Variants in PEX5L observed in about 807,000 individuals in gnomAD.
PEX5L encodes PEX5-related protein.
In PEX5L, 30 loss-of-function variants were observed where a neutral mutation model predicts 84.0. The ratio of observed to expected loss-of-function variants is 0.36; its 90% CI spans 0.27 to 0.48. The LOEUF (loss-of-function observed/expected upper bound fraction) is 0.48, where lower values mean the gene tolerates loss of function less well. Among genes scored for constraint, PEX5L ranks in the 20% least tolerant of loss-of-function variants. The pLI is 0.99. For missense variants in PEX5L, 533 were observed against 754.6 expected (o/e 0.71, Z 3.44); for synonymous variants, 270 against 283.1 (o/e 0.95, Z 0.46).
chr3:179,909,967 A>G (rs1336316934), intron 2 of PEX5L, among the ~76,000 whole-genome samples: 1 of 152,238 alleles, frequency 6.6e-6, no homozygotes, highest in African/African-American at 2.4e-5. Flanking sequence ...AATCTGTGGT[A>G]CTTTGTCATG....
chr3:179,909,610 G>C (rs1764474119), intron 2 of PEX5L, among the ~76,000 whole-genome samples: 1 of 152,176 alleles, frequency 6.6e-6, no homozygotes, highest in Non-Finnish European at 1.5e-5. Context: ...CAGGAGCTGA[G>C]TTGTGTACTC....
At chr3:179,818,278 T>C (rs1410874189) in intron 9 of PEX5L, among the ~76,000 whole-genome samples, 1 of 152,010 alleles carries the variant, frequency 6.6e-6, no homozygotes, top group African/African-American at 2.4e-5. Context: ...ATTAATTAAT[T>C]AATTTTTAAT....
intron 1 of PEX5L, among the ~76,000 whole-genome samples, chr3:180,022,672 A>G (rs1306670459): frequency 1.3e-5 from 2 of 152,212 alleles, no homozygotes; most frequent in African/African-American, 4.8e-5. Context: ...TACAATCAAG[A>G]TAATATTGAG....
At position 179,801,766 on chromosome 3, in the gene PEX5L, T is replaced by G. The variant is rs1718917532; in HGVS notation, c.*62A>C. 7.5e-6 allele frequency: 8 copies of G among 1,062,602 alleles called. No individual in the cohort carries two copies. Among genetic ancestry groups the G allele is most frequent in the Non-Finnish European group, 1.2e-5 (8 of 682,420 alleles). 65.8% of individuals were successfully genotyped at this position (1,062,602 alleles called of 1,614,324 possible). On this transcript the variant is annotated 3_prime_UTR_variant, in exon 15 of 15. Transcript: ENST00000467460. ...CCTTTTGAAATTCATAATAAAATAG[T>G]TTTTGATTTTTCAGTACAATCACAC...
chr3:179,976,626 CG>C (rs1404734315), intron 1 of PEX5L, among the ~76,000 whole-genome samples: 2 of 151,948 alleles, frequency 1.3e-5, no homozygotes, highest in African/African-American at 2.4e-5. Context: ...TTAGTAGAGA[CG>C]GGGTTTTGCC....
chr3:179,803,706 G>A (rs1720030891), intron 14 of PEX5L, among the ~76,000 whole-genome samples: 1 of 152,210 alleles, frequency 6.6e-6, no homozygotes, highest in Non-Finnish European at 1.5e-5. Flanking sequence ...TGCAAGGTAG[G>A]TAATAAGCAT....
Position 179,974,903 on chromosome 3 carries a change from T to C in PEX5L, c.22-3238A>G, listed in dbSNP as rs1043619762. Reference sequence around the variant, plus strand: ...ACTTGCATTAAACTTGGAAAATCTATAGAAAAATATAGGCCAGGTATGGTA... The same window carrying C: ...ACTTGCATTAAACTTGGAAAATCTACAGAAAAATATAGGCCAGGTATGGTA... On this transcript the variant is annotated intron_variant, in intron 1 of 14. Transcript: ENST00000467460. 2.6e-5 allele frequency among the ~76,000 whole-genome samples: 4 copies of C among 152,046 alleles called. No homozygotes were observed. In the East Asian group the frequency reaches 5.8e-4, roughly 22 times the overall value.
intron 1 of PEX5L, among the ~76,000 whole-genome samples, chr3:180,026,217 C>T (rs554176403): frequency 6.9e-6 from 1 of 145,070 alleles, no homozygotes; most frequent in Non-Finnish European, 1.5e-5. Flanking sequence ...CCCTCAGTTT[C>T]CTCACATGTG....
intron 2 of PEX5L, among the ~76,000 whole-genome samples, chr3:179,942,608 T>C (rs966812652): frequency 3.3e-5 from 5 of 152,210 alleles, no homozygotes; most frequent in African/African-American, 1.2e-4. Flanking sequence ...CCCAGGCGCA[T>C]GAGACGGATG....
intron 1 of PEX5L, among the ~76,000 whole-genome samples, chr3:180,002,300 G>A: frequency 6.6e-6 from 1 of 152,072 alleles, no homozygotes; most frequent in East Asian, 1.9e-4. Flanking sequence ...TTTAAAAATT[G>A]TTTTACGATG....
At chr3:179,831,666 A>G (rs1455803732) in intron 8 of PEX5L, among the ~76,000 whole-genome samples, 1 of 149,834 alleles carries the variant, frequency 6.7e-6, no homozygotes, top group African/African-American at 2.4e-5. Flanking sequence ...AGAGGAGAGA[A>G]CCCAACCTAG....
chr3:179,854,802 C>G (rs1340484258), intron 8 of PEX5L, among the ~76,000 whole-genome samples: 2 of 152,138 alleles, frequency 1.3e-5, no homozygotes, highest in Non-Finnish European at 2.9e-5. Flanking sequence ...AAATAAGAGA[C>G]TAGGCCCCTT....
At chr3:179,949,781 C>T (rs1778590214) in intron 2 of PEX5L, among the ~76,000 whole-genome samples, 1 of 152,134 alleles carries the variant, frequency 6.6e-6, no homozygotes, top group African/African-American at 2.4e-5. Context: ...GGACAGGTTA[C>T]CTAGAGGGAC....
chr3:179,841,324 A>G (rs1352767647), intron 8 of PEX5L, among the ~76,000 whole-genome samples: 1 of 151,868 alleles, frequency 6.6e-6, no homozygotes, highest in Non-Finnish European at 1.5e-5. Flanking sequence ...TTCTCTTTCC[A>G]TTCCACTTCC....
intron 7 of PEX5L, among the ~76,000 whole-genome samples, chr3:179,870,489 G>C (rs1413181276): frequency 1.3e-5 from 2 of 152,098 alleles, no homozygotes; most frequent in Non-Finnish European, 2.9e-5. Context: ...TCCTTGTTGG[G>C]TGACACTGTG....
chr3:179,814,228 A>G (rs1027560114), intron 10 of PEX5L, among the ~76,000 whole-genome samples: 3 of 152,238 alleles, frequency 2.0e-5, no homozygotes, highest in South Asian at 2.1e-4. Context: ...AGTAGTGATC[A>G]GTTTACTCAT....
chr3:179,802,106 A>T, intron 14 of PEX5L, 74 bp from the exon 15 acceptor site: 1 of 1,032,402 alleles, frequency 9.7e-7, no homozygotes, highest in East Asian at 2.4e-5. Flanking sequence ...AACAAAACAA[A>T]ATTGGATTAA....
chr3:179,831,303 G>A (rs1318492682), intron 8 of PEX5L, among the ~76,000 whole-genome samples: 4 of 150,256 alleles, frequency 2.7e-5, no homozygotes, highest in Admixed American at 1.3e-4. Flanking sequence ...CTGGGTGACA[G>A]GGCGAGACTC....
At chr3:179,871,108 T>C (rs1282628155) in intron 7 of PEX5L, among the ~76,000 whole-genome samples, 1 of 146,786 alleles carries the variant, frequency 6.8e-6, no homozygotes. Context: ...TACTTTTTTT[T>C]TTTTTTTTTT....
Sources: allele counts gnomAD v4.1 joint callset (sites outside exome capture counted in the v4.1 genomes callset), GRCh38; gene constraint gnomAD v4.1.1; transcripts MANE v1.5; gene names NCBI Gene and HGNC (gene_info 2026-07-23, HGNC 2026-07-21).